PTGIS: variants seen among roughly 807,000 people sequenced by gnomAD.
PTGIS encodes prostaglandin I2 synthase.
A neutral mutation model predicts 50.3 loss-of-function variants in PTGIS; 45 were observed. The ratio of observed to expected loss-of-function variants is 0.90; its 90% CI spans 0.70 to 1.15. PTGIS has a LOEUF of 1.15. PTGIS is among the 50% of genes most tolerant of loss of function. The pLI is 0.00. For missense variants in PTGIS, 668 were observed against 661.3 expected (o/e 1.01, Z -0.11); for synonymous variants, 260 against 267.7 (o/e 0.97, Z 0.28).
intron 4 of PTGIS, among the ~76,000 whole-genome samples, chr20:49,543,446 G>A (rs958658424): frequency 2.6e-5 from 4 of 152,106 alleles, no homozygotes; most frequent in African/African-American, 7.2e-5. Context: ...GATGTCACCC[G>A]ATCTTACTCA....
intron 5 of PTGIS, among the ~76,000 whole-genome samples, chr20:49,526,690 AAAG>A (rs145227348): frequency 0.012 from 1,759 of 152,352 alleles, 33 homozygotes; most frequent in African/African-American, 0.036. Context: ...ATATTTCTCC[AAAG>A]AAGAGATACA....
intron 5 of PTGIS, among the ~76,000 whole-genome samples, chr20:49,531,862 C>T (rs1041266393): frequency 6.6e-6 from 1 of 152,132 alleles, no homozygotes; most frequent in Non-Finnish European, 1.5e-5. Flanking sequence ...AACTCCTGAA[C>T]AAAAGTGATT....
chr20:49,542,353 T>C (rs1982252659), intron 4 of PTGIS, among the ~76,000 whole-genome samples: 1 of 152,200 alleles, frequency 6.6e-6, no homozygotes, highest in Admixed American at 6.5e-5. Context: ...TGCTGATTGA[T>C]GGCAGTGGAA....
At chr20:49,517,299 G>T (rs1242543467) in intron 6 of PTGIS, among the ~76,000 whole-genome samples, 2 of 152,192 alleles carry the variant, frequency 1.3e-5, no homozygotes, top group Admixed American at 1.3e-4. Flanking sequence ...ATTTTATCTG[G>T]CCCAGATGGT....
In PTGIS at chr20:49,514,277, G is replaced by T; in HGVS notation, c.974C>A (p.Ser325Ter). ...SILWQAEQPVSQTTTLPQKVL... is the reference protein window; with the variant it reads ...SILWQAEQPV The stretch of plus-strand genomic sequence containing the variant: ...CTTCTGTGGGAGAGTGGTCGTCTGC[G>T]AGACAGGCTGCTCCGCTTGCCAAAG... Residue 325 changes from serine (S) to a stop codon, truncating the protein, a stop_gained, in exon 7 of 10, where the codon TCG becomes TAG. Transcript: ENST00000244043. LOFTEE classifies it high-confidence loss of function. 6.2e-7 allele frequency: 1 copy of T among 1,614,116 alleles called. No individual in the cohort carries two copies. The highest frequency in any genetic ancestry group is 8.5e-7 in the Non-Finnish European group (1 of 1,180,036).
At chr20:49,510,720 G>T (rs1046309530) in intron 9 of PTGIS, among the ~76,000 whole-genome samples, 4 of 152,160 alleles carry the variant, frequency 2.6e-5, no homozygotes, top group African/African-American at 9.7e-5. Flanking sequence ...AGCTGCAGAC[G>T]GGTAGCTACG....
chr20:49,551,953 T>A (rs1250182867), intron 1 of PTGIS, among the ~76,000 whole-genome samples: 1 of 152,046 alleles, frequency 6.6e-6, no homozygotes, highest in Non-Finnish European at 1.5e-5. Flanking sequence ...TCTGCCTGTC[T>A]CTCCTTCCTC....
chr20:49,514,714 T>A (rs1981430178), intron 6 of PTGIS, among the ~76,000 whole-genome samples: 1 of 152,240 alleles, frequency 6.6e-6, no homozygotes, highest in African/African-American at 2.4e-5. Flanking sequence ...CAGTTAAGAC[T>A]GTTCACATCT....
At chr20:49,534,217 A>G (rs1324173486) in intron 5 of PTGIS, among the ~76,000 whole-genome samples, 1 of 152,234 alleles carries the variant, frequency 6.6e-6, no homozygotes, top group Non-Finnish European at 1.5e-5. Flanking sequence ...GTGTATCTGT[A>G]GACATGTGCA....
intron 1 of PTGIS, among the ~76,000 whole-genome samples, chr20:49,562,399 A>C (rs1982798632): frequency 6.6e-6 from 1 of 152,126 alleles, no homozygotes; most frequent in African/African-American, 2.4e-5. Context: ...GGCGCAGACA[A>C]AGGCAGGAAG....
chr20:49,527,998 G>A (rs1217812355), intron 5 of PTGIS, among the ~76,000 whole-genome samples: 2 of 151,922 alleles, frequency 1.3e-5, no homozygotes, highest in African/African-American at 2.4e-5. Flanking sequence ...GGATAAGCTG[G>A]GGGTGGTGGC....
At chr20:49,524,879 G>A (rs1014909537) in intron 5 of PTGIS, among the ~76,000 whole-genome samples, 4 of 152,156 alleles carry the variant, frequency 2.6e-5, no homozygotes, top group Non-Finnish European at 5.9e-5. Context: ...GAGAATTATG[G>A]GAGCTACAGT....
rs773006734 is a variant in PTGIS at position 49,568,117 on chromosome 20, CGCGGGGCTG to C, written c.-10_-2del. 470 of 785,282 alleles carry C rather than the reference CGCGGGGCTG, an allele frequency of 6.0e-4. 9 individuals are homozygous for C. In the East Asian group the frequency reaches 0.015, roughly 25 times the overall value. 48.6% of individuals were successfully genotyped at this position (785,282 alleles called of 1,614,324 possible). A position where few individuals can be genotyped will look rare whatever the true frequency, so the allele number is the denominator to read the frequency against. On this transcript the variant is annotated 5_prime_UTR_variant, in exon 1 of 10. Transcript: ENST00000244043. ...GGCCGAGGAGCGCGGCCCAAGCCATCGCGGGGCTGGCGGGGCTGGCGGGGCTGGCGGGGC... is the reference window on the plus strand; with the variant it reads ...GGCCGAGGAGCGCGGCCCAAGCCATCGCGGGGCTGGCGGGGCTGGCGGGGC...
chr20:49,548,547 G>A (rs1871124719), intron 2 of PTGIS, among the ~76,000 whole-genome samples: 1 of 151,834 alleles, frequency 6.6e-6, no homozygotes, highest in African/African-American at 2.4e-5. Context: ...TGGATGGGTG[G>A]ATGGATGGAT....
chr20:49,548,118 G>T, intron 2 of PTGIS, 99 bp from the exon 3 acceptor site: 1 of 1,098,904 alleles, frequency 9.1e-7, no homozygotes, highest in Non-Finnish European at 1.4e-6. Flanking sequence ...CTGCCCCACT[G>T]GACAGTAACA....
chr20:49,548,193 A>C (rs1314024090), intron 2 of PTGIS, among the ~76,000 whole-genome samples, 174 bp from the exon 3 acceptor site: 1 of 152,052 alleles, frequency 6.6e-6, no homozygotes, highest in Non-Finnish European at 1.5e-5. Context: ...ACCATCACTC[A>C]CCCATTTATA....
Position 49,504,389 on chromosome 20 carries a change from A to G in PTGIS, c.*3531T>C, listed in dbSNP as rs541643274. Reference sequence around the variant, plus strand: ...TATTGGCAGCAATTGGGGGGAAAAAAAGTTCATTTTAAAAACAAAGTTTAG... The same window carrying G: ...TATTGGCAGCAATTGGGGGGAAAAAGAGTTCATTTTAAAAACAAAGTTTAG... On this transcript the variant is annotated 3_prime_UTR_variant, in exon 10 of 10. Coordinates refer to ENST00000244043, the MANE Select transcript of PTGIS (RefSeq NM_000961.4). The G allele has an allele frequency of 1.3e-5, 2 of 152,268 alleles. No individual in the cohort carries two copies. Among genetic ancestry groups the G allele is most frequent in the South Asian group, 2.1e-4 (1 of 4,814 alleles). 9.4% of individuals were successfully genotyped at this position (152,268 alleles called of 1,614,324 possible).
At chr20:49,549,324 A>G (rs1020037784) in intron 2 of PTGIS, among the ~76,000 whole-genome samples, 1 of 152,226 alleles carries the variant, frequency 6.6e-6, no homozygotes, top group Admixed American at 6.5e-5. Context: ...TAGATTACTT[A>G]TAATACCTAA....
chr20:49,544,554 T>A, intron 3 of PTGIS, 106 bp from the exon 4 acceptor site: 1 of 1,306,500 alleles, frequency 7.7e-7, no homozygotes, highest in Non-Finnish European at 1.1e-6. Flanking sequence ...AAGCTCCCCA[T>A]TGGCAAAGAG....
Sources: allele counts gnomAD v4.1 joint callset (sites outside exome capture counted in the v4.1 genomes callset), GRCh38; gene constraint gnomAD v4.1.1; transcripts MANE v1.5; gene names NCBI Gene and HGNC (gene_info 2026-07-23, HGNC 2026-07-21).